Variants in CFDP1 observed in about 807,000 individuals in gnomAD.
CFDP1 encodes chromatin remodeling protein CFDP1, also known as heterochromatin-stabilizing protein CFDP1.
CFDP1 carries 31 observed loss-of-function variants against 40.1 expected under a neutral mutation model. The observed-to-expected ratio is 0.77, with a 90% CI of 0.58 to 1.04. The LOEUF (loss-of-function observed/expected upper bound fraction) is 1.04. CFDP1 is among the 50% of genes least tolerant of loss of function. CFDP1 has a pLI of 0.00. For synonymous variants in CFDP1, 167 were observed against 120.0 expected (o/e 1.39, Z -2.56); for missense variants, 423 against 343.4 (o/e 1.23, Z -1.83).
intron 4 of CFDP1, among the ~76,000 whole-genome samples, chr16:75,407,644 G>C (rs1407465492): frequency 9.2e-6 from 1 of 108,142 alleles, no homozygotes; most frequent in East Asian, 2.7e-4. Flanking sequence ...GACAGAGCAA[G>C]ACCCTGTCTC....
At chr16:75,407,617 T>G (rs995592188) in intron 4 of CFDP1, among the ~76,000 whole-genome samples, 2 of 146,650 alleles carry the variant, frequency 1.4e-5, no homozygotes, top group African/African-American at 2.5e-5. Flanking sequence ...CGTAGGTTGG[T>G]TGAGGCTAGC....
intron 1 of CFDP1, among the ~76,000 whole-genome samples, chr16:75,432,851 C>G (rs906141180): frequency 1.3e-5 from 2 of 152,194 alleles, no homozygotes; most frequent in Non-Finnish European, 2.9e-5. Flanking sequence ...AACTTTCTAT[C>G]AGAACTTTCT....
intron 1 of CFDP1, among the ~76,000 whole-genome samples, chr16:75,425,991 A>G (rs555803238): frequency 0.01 from 1,433 of 138,238 alleles, 12 homozygotes; most frequent in Middle Eastern, 0.029. Context: ...AGCTGAGATC[A>G]TGCCACTGCA....
chr16:75,315,696 G>A (rs546762148), intron 5 of CFDP1, among the ~76,000 whole-genome samples: 1 of 152,170 alleles, frequency 6.6e-6, no homozygotes, highest in South Asian at 2.1e-4. Flanking sequence ...TCTATATATA[G>A]ATTTACTTTT....
At chr16:75,337,048 G>A (rs2078493920) in intron 5 of CFDP1, among the ~76,000 whole-genome samples, 1 of 152,156 alleles carries the variant, frequency 6.6e-6, no homozygotes, top group African/African-American at 2.4e-5. Context: ...CTTTGTTTAT[G>A]GCGGTCTCTG....
At chr16:75,425,835 A>G (rs1379895712) in intron 1 of CFDP1, among the ~76,000 whole-genome samples, 1 of 151,594 alleles carries the variant, frequency 6.6e-6, no homozygotes, top group East Asian at 1.9e-4. Context: ...CAGGAGTTCA[A>G]GACCAGCCTG....
chr16:75,328,845 ATTTT>A (rs569396422), intron 5 of CFDP1, among the ~76,000 whole-genome samples: 1 of 131,576 alleles, frequency 7.6e-6, no homozygotes. Context: ...TGCTCAGCGA[ATTTT>A]TTTTTTTTTT....
intron 5 of CFDP1, among the ~76,000 whole-genome samples, chr16:75,322,903 G>C (rs934221406): frequency 5.9e-5 from 9 of 152,192 alleles, no homozygotes; most frequent in South Asian, 2.1e-4. Context: ...CGCAGGACTG[G>C]AAGTTGCTCT....
At position 75,301,536 on chromosome 16, in the gene CFDP1, C is replaced by CTTTTTTTTTTT. The variant is rs546724752; in HGVS notation, c.809+3477_809+3487dup. 1.4e-3 allele frequency among the ~76,000 whole-genome samples: 75 copies of CTTTTTTTTTTT among 53,962 alleles called. 5 individuals carry two copies. The highest frequency in any genetic ancestry group is 4.5e-3 in the African/African-American group (65 of 14,504). The allele number at this position is 53,962 out of a possible 152,430, so 35.4% of individuals were successfully genotyped here. A position where few individuals can be genotyped will look rare whatever the true frequency, so the allele number is the denominator to read the frequency against. On this transcript the variant is annotated intron_variant, in intron 6 of 6. Coordinates refer to ENST00000283882, the MANE Select transcript of CFDP1 (RefSeq NM_006324.3). ...TCTCAACATTAGAGTTTTGTTGTGTCTTTTTTTTTTTTTTTTTTTTTTTTT... is the reference window on the plus strand; with the variant it reads ...TCTCAACATTAGAGTTTTGTTGTGTCTTTTTTTTTTTTTTTTTTTTTTTTTTTTTTTTTTTT...
At chr16:75,389,135 T>A (rs1393597296) in intron 5 of CFDP1, among the ~76,000 whole-genome samples, 1 of 152,176 alleles carries the variant, frequency 6.6e-6, no homozygotes, top group Non-Finnish European at 1.5e-5. Context: ...GAATAAATAG[T>A]AAATGTTGGC....
At chr16:75,376,115 G>A (rs1004762228) in intron 5 of CFDP1, among the ~76,000 whole-genome samples, 2 of 152,114 alleles carry the variant, frequency 1.3e-5, no homozygotes, top group African/African-American at 2.4e-5. Flanking sequence ...AGAGGCTGAG[G>A]TGGGAAGATC....
At chr16:75,357,317 T>C (rs1205861452) in intron 5 of CFDP1, among the ~76,000 whole-genome samples, 1 of 152,158 alleles carries the variant, frequency 6.6e-6, no homozygotes, top group African/African-American at 2.4e-5. Flanking sequence ...TGTAGTGGCA[T>C]GATCTCAGTT....
intron 1 of CFDP1, among the ~76,000 whole-genome samples, chr16:75,425,037 T>C (rs879495262): frequency 4.6e-5 from 7 of 152,052 alleles, no homozygotes; most frequent in South Asian, 4.1e-4. Context: ...TGTATTTCCA[T>C]ATACTAGTTA....
intron 6 of CFDP1, among the ~76,000 whole-genome samples, chr16:75,302,915 G>T (rs2078230787): frequency 6.6e-6 from 1 of 152,136 alleles, no homozygotes; most frequent in Non-Finnish European, 1.5e-5. Context: ...TTTTTTTAGG[G>T]CTGGGCGTGG....
chr16:75,301,683 T>A (rs185418951), intron 6 of CFDP1: 2 of 152,010 alleles, frequency 1.3e-5, no homozygotes, highest in Admixed American at 1.3e-4. Flanking sequence ...TGTGGTCTAG[T>A]GATTCTCAAC....
At chr16:75,340,488 C>G (rs2078519371) in intron 5 of CFDP1, among the ~76,000 whole-genome samples, 1 of 152,146 alleles carries the variant, frequency 6.6e-6, no homozygotes, top group South Asian at 2.1e-4. Flanking sequence ...TAAACTCAAA[C>G]CACTTATGTT....
chr16:75,326,874 A>C (rs2078405206), intron 5 of CFDP1, among the ~76,000 whole-genome samples: 1 of 152,166 alleles, frequency 6.6e-6, no homozygotes, highest in Non-Finnish European at 1.5e-5. Context: ...ACCACAAATA[A>C]CATGTGAAGG....
intron 5 of CFDP1, among the ~76,000 whole-genome samples, chr16:75,377,421 C>T (rs976341817): frequency 6.6e-5 from 10 of 152,128 alleles, no homozygotes; most frequent in African/African-American, 2.4e-4. Context: ...ATTTATTGAC[C>T]AATCACAATT....
chr16:75,317,601 A>G (rs753428188), intron 5 of CFDP1, among the ~76,000 whole-genome samples: 51 of 152,202 alleles, frequency 3.4e-4, no homozygotes, highest in Non-Finnish European at 6.0e-4. Flanking sequence ...ATTGACCAAT[A>G]CAAACAGACA....
Sources: allele counts gnomAD v4.1 joint callset (sites outside exome capture counted in the v4.1 genomes callset), GRCh38; gene constraint gnomAD v4.1.1; transcripts MANE v1.5; gene names NCBI Gene and HGNC (gene_info 2026-07-23, HGNC 2026-07-21).